The following STX8 variants were observed in gnomAD, a reference collection of about 807,000 sequenced individuals.
STX8 encodes the protein syntaxin 8.
Under a neutral mutation model 37.5 loss-of-function variants are expected in STX8, and 23 were observed. The ratio of observed to expected loss-of-function variants is 0.61; its 90% CI spans 0.44 to 0.87. The LOEUF is 0.87. Among genes scored for constraint, STX8 ranks in the 40% least tolerant of loss-of-function variants. STX8 has a pLI of 0.00. For missense variants in STX8, 313 were observed against 284.7 expected (o/e 1.10, Z -0.71); for synonymous variants, 115 against 99.1 (o/e 1.16, Z -0.95).
chr17:9,424,138 A>G (rs1392039077), intron 6 of STX8, among the ~76,000 whole-genome samples: 2 of 151,836 alleles, frequency 1.3e-5, no homozygotes, highest in African/African-American at 4.8e-5. Context: ...CTCTAGCAAC[A>G]CCTTGGGTTC....
chr17:9,404,549 G>A (rs991006950), intron 6 of STX8, among the ~76,000 whole-genome samples: 1 of 152,098 alleles, frequency 6.6e-6, no homozygotes, highest in Non-Finnish European at 1.5e-5. Flanking sequence ...CTGACTCCCA[G>A]GTTCAAGTGA....
At chr17:9,481,476 T>C (rs8068513) in intron 6 of STX8, among the ~76,000 whole-genome samples, 97,030 of 152,002 alleles carry the variant, frequency 0.64, 31,428 homozygotes, top group African/African-American at 0.67. Flanking sequence ...GCCATAGCCA[T>C]TACGTTACAC....
At chr17:9,374,301 T>C (rs1175504600) in intron 7 of STX8, among the ~76,000 whole-genome samples, 2 of 152,104 alleles carry the variant, frequency 1.3e-5, no homozygotes, top group Non-Finnish European at 2.9e-5. Context: ...AGGTTGGTCT[T>C]GAACTCTTGA....
intron 4 of STX8, among the ~76,000 whole-genome samples, chr17:9,514,708 G>A (rs950584603): frequency 1.3e-5 from 2 of 152,164 alleles, no homozygotes; most frequent in African/African-American, 4.8e-5. Context: ...GTACAGACAC[G>A]GCTCCAGGTG....
At position 9,446,274 on chromosome 17, in the gene STX8, A is replaced by G. The variant is rs1473316794; in HGVS notation, c.541+45555T>C. Among the ~76,000 whole-genome samples, 3 of 152,344 alleles carry G rather than the reference A, an allele frequency of 2.0e-5. No individual in the cohort carries two copies. The East Asian group carries it at 5.8e-4, about 29-fold the overall frequency. On this transcript the variant is annotated intron_variant, in intron 6 of 7. Coordinates refer to ENST00000306357, the MANE Select transcript of STX8 (RefSeq NM_004853.3). ...GGCACATAGTAGATCCTCACTAAAT[A>G]TTTGCTGACTGACTATTCATTGGAA...
intron 6 of STX8, among the ~76,000 whole-genome samples, chr17:9,417,703 A>G (rs1008509829): frequency 6.6e-6 from 1 of 152,146 alleles, no homozygotes; most frequent in Non-Finnish European, 1.5e-5. Flanking sequence ...TTAGCCCCCA[A>G]ACCCAACCTC....
chr17:9,306,246 C>T (rs1203770190), intron 7 of STX8, among the ~76,000 whole-genome samples: 1 of 152,106 alleles, frequency 6.6e-6, no homozygotes, highest in Non-Finnish European at 1.5e-5. Context: ...TGTCAGTACA[C>T]TCTGTGATGC....
intron 4 of STX8, among the ~76,000 whole-genome samples, chr17:9,532,098 T>C (rs1216253517): frequency 2.6e-5 from 4 of 152,082 alleles, no homozygotes; most frequent in Non-Finnish European, 5.9e-5. Context: ...AATCTTTCTT[T>C]ACATTTAGTC....
intron 5 of STX8, among the ~76,000 whole-genome samples, chr17:9,498,946 ATTAAGT>A (rs1264109395): frequency 2.0e-5 from 3 of 152,190 alleles, no homozygotes; most frequent in Non-Finnish European, 4.4e-5. Flanking sequence ...CTTTGAGGCA[ATTAAGT>A]GATTGTCATC....
intron 6 of STX8, among the ~76,000 whole-genome samples, chr17:9,407,967 T>C (rs1212024056): frequency 6.6e-6 from 1 of 152,132 alleles, no homozygotes; most frequent in Non-Finnish European, 1.5e-5. Context: ...GATGCAAATG[T>C]TCCCCCCACA....
intron 7 of STX8, among the ~76,000 whole-genome samples, chr17:9,311,725 A>G (rs1223730145): frequency 6.6e-6 from 1 of 152,222 alleles, no homozygotes; most frequent in East Asian, 1.9e-4. Flanking sequence ...GCGAATGTGG[A>G]TATTACATGT....
chr17:9,554,399 G>A (rs983627971), intron 3 of STX8: 1 of 152,162 alleles, frequency 6.6e-6, no homozygotes, highest in Admixed American at 6.6e-5. Flanking sequence ...TTGTAAAGAA[G>A]AGAAGGAAGC....
At chr17:9,334,082 C>A (rs547601000) in intron 7 of STX8, among the ~76,000 whole-genome samples, 1 of 138,556 alleles carries the variant, frequency 7.2e-6, no homozygotes, top group Non-Finnish European at 1.5e-5. Context: ...TTGGTTGGGT[C>A]GAAGGTGAAA....
At chr17:9,369,842 C>T (rs1381856861) in intron 7 of STX8, among the ~76,000 whole-genome samples, 1 of 142,578 alleles carries the variant, frequency 7.0e-6, no homozygotes, top group Non-Finnish European at 1.5e-5. Context: ...GCAGTGAGTG[C>T]CACTGCACTC....
chr17:9,318,127 AT>A lies in STX8; in HGVS notation c.643+60424del, dbSNP rs987067662. On this transcript the variant is annotated intron_variant, in intron 7 of 7. Coordinates refer to ENST00000306357, the MANE Select transcript of STX8 (RefSeq NM_004853.3). ...ACTGACTCTAGAGGACACAGAAATA[AT>A]TTTTTTTAAATACTTCAAGTTCTAG... Among the ~76,000 whole-genome samples the A allele has an allele frequency of 1.5e-3, 223 of 152,214 alleles. 1 individual carries two copies. The highest frequency in any genetic ancestry group is 4.9e-3 in the African/African-American group (202 of 41,554).
chr17:9,318,961 A>C (rs1019001445), intron 7 of STX8, among the ~76,000 whole-genome samples: 5 of 152,198 alleles, frequency 3.3e-5, no homozygotes, highest in Admixed American at 6.5e-5. Flanking sequence ...GGAGCAGAAG[A>C]TAGCATGTAG....
chr17:9,494,254 A>T (rs918221328), intron 5 of STX8, among the ~76,000 whole-genome samples: 29 of 151,450 alleles, frequency 1.9e-4, no homozygotes, highest in Non-Finnish European at 4.0e-4. Context: ...TGACCTCGTG[A>T]TCCGCCCGCC....
At chr17:9,434,958 G>A (rs1453818929) in intron 6 of STX8, among the ~76,000 whole-genome samples, 2 of 152,206 alleles carry the variant, frequency 1.3e-5, no homozygotes, top group African/African-American at 4.8e-5. Flanking sequence ...GTGCCTTTAT[G>A]TTAATGAGCA....
chr17:9,568,325 C>A, intron 2 of STX8, 46 bp downstream of exon 2: 2 of 1,506,154 alleles, frequency 1.3e-6, no homozygotes, highest in South Asian at 2.3e-5. Flanking sequence ...TTTCAGGCCT[C>A]AAAACTCAAA....
Sources: gnomAD v4.1 joint callset for allele counts (sites outside exome capture counted in the v4.1 genomes callset) on GRCh38, gnomAD v4.1.1 for gene constraint, MANE v1.5 for transcripts, NCBI Gene and HGNC (gene_info 2026-07-23, HGNC 2026-07-21) for gene names.